Variants in KCNH1 observed in about 807,000 individuals in gnomAD.
The protein encoded by KCNH1 is potassium voltage-gated channel subfamily H member 1.
In KCNH1, 27 loss-of-function variants were observed where a neutral mutation model predicts 69.2. The ratio of observed to expected loss-of-function variants is 0.39; its 90% confidence interval spans 0.29 to 0.54. KCNH1 has a LOEUF of 0.54. KCNH1 is among the 20% of genes least tolerant of loss of function. The probability of loss-of-function intolerance (pLI) is 0.68; values close to 1 mark genes in which losing one functional copy is unlikely to be tolerated. For missense variants in KCNH1, 798 were observed against 1,261.6 expected, an observed-to-expected ratio of 0.63 and a Z score of 5.57; for synonymous variants, 456 against 487.7, an observed-to-expected ratio of 0.93 and a Z score of 0.86.
chr1:210,717,692 G>T (rs904674768), intron 10 of KCNH1, among the ~76,000 whole-genome samples: 2 of 152,198 alleles, frequency 1.3e-5, no homozygotes, highest in African/African-American at 4.8e-5. Context: ...TGAGGCAGTG[G>T]ATGTACTCAG....
intron 1 of KCNH1, among the ~76,000 whole-genome samples, chr1:211,122,081 T>C (rs1181306360): frequency 6.6e-6 from 1 of 151,582 alleles, no homozygotes; most frequent in East Asian, 1.9e-4. Context: ...GGGCTTGCAG[T>C]GAGCCAAGAT....
At chr1:210,845,933 T>C (rs1685532884) in intron 7 of KCNH1, among the ~76,000 whole-genome samples, 4 of 152,028 alleles carry the variant, frequency 2.6e-5, no homozygotes, top group Non-Finnish European at 4.4e-5. Flanking sequence ...TATACACCAA[T>C]AACAGACAAA....
intron 7 of KCNH1, chr1:210,861,799 A>G: frequency 1.3e-6 from 1 of 766,688 alleles, no homozygotes; most frequent in South Asian, 1.4e-5. Context: ...CCACTCCTCT[A>G]GTTTTTTATA....
chr1:210,700,700 G>GA (rs1382638085), intron 10 of KCNH1, among the ~76,000 whole-genome samples: 7 of 152,128 alleles, frequency 4.6e-5, no homozygotes, highest in Admixed American at 2.0e-4. Flanking sequence ...ATTCTGCCAC[G>GA]ATAGCACAAA....
At chr1:210,982,239 AT>A (rs1277144465) in intron 6 of KCNH1, among the ~76,000 whole-genome samples, 6 of 151,704 alleles carry the variant, frequency 4.0e-5, no homozygotes, top group African/African-American at 1.5e-4. Context: ...TATTATTATT[AT>A]TATTATTATA....
intron 5 of KCNH1, among the ~76,000 whole-genome samples, chr1:211,048,591 G>A (rs967274301): frequency 1.3e-5 from 2 of 152,140 alleles, no homozygotes; most frequent in Non-Finnish European, 2.9e-5. Context: ...AAGTGACTCA[G>A]GAATGGAAAA....
In KCNH1 at chr1:211,064,529, C is replaced by A. The variant is rs560494297; in HGVS notation, c.558+18251G>T. ...TGAGCCAAGATTGCGCCACTGCACT[C>A]CAGCCTGGGCAACAAAGCAAGACTC... is the stretch of plus-strand genomic sequence containing the variant. On this transcript the variant is annotated intron_variant, in intron 5 of 10. Transcript: ENST00000271751. Among the ~76,000 whole-genome samples, 4 of 152,114 alleles carry A rather than the reference C, an allele frequency of 2.6e-5. No homozygotes were observed. The East Asian group carries it at 7.7e-4, about 29-fold the overall frequency.
chr1:210,856,898 T>TATATATATATATATATATATAA lies in KCNH1; in HGVS notation c.1463-52733_1463-52732insTTATATATATATATATATATAT, dbSNP rs1410330503. 3.3e-3 allele frequency among the ~76,000 whole-genome samples: 397 copies of TATATATATATATATATATATAA among 121,482 alleles called. 4 individuals carry two copies. Among genetic ancestry groups the TATATATATATATATATATATAA allele is most frequent in the South Asian group, 0.014 (45 of 3,324 alleles). The allele number at this position is 121,482 out of a possible 152,430, so 79.7% of individuals were successfully genotyped here. A position where few individuals can be genotyped will look rare whatever the true frequency, so the allele number is the denominator to read the frequency against. On this transcript the variant is annotated intron_variant, in intron 7 of 10. Coordinates refer to ENST00000271751, the MANE Select transcript of KCNH1 (RefSeq NM_172362.3). ...CCCACTATATATATATATATATATA[T>TATATATATATATATATATATAA]AAAATACTCATGCCTGGTGTTTACT... is the stretch of plus-strand genomic sequence containing the variant.
At chr1:210,713,353 CAA>C (rs1682125152) in intron 10 of KCNH1, among the ~76,000 whole-genome samples, 1 of 152,150 alleles carries the variant, frequency 6.6e-6, no homozygotes, top group South Asian at 2.1e-4. Context: ...CCTTAATTCC[CAA>C]AGAGACCAAG....
intron 5 of KCNH1, among the ~76,000 whole-genome samples, chr1:211,033,500 A>G (rs1459806406): frequency 6.6e-6 from 1 of 152,210 alleles, no homozygotes; most frequent in Non-Finnish European, 1.5e-5. Context: ...AATAGCAAAG[A>G]CTTGGAACCA....
intron 3 of KCNH1, among the ~76,000 whole-genome samples, chr1:211,100,277 A>T (rs1691234173): frequency 6.6e-6 from 1 of 152,060 alleles, no homozygotes; most frequent in Non-Finnish European, 1.5e-5. Context: ...CAGATTCTAA[A>T]CTATTTAACT....
At chr1:211,025,586 G>A (rs1689668827) in intron 5 of KCNH1, among the ~76,000 whole-genome samples, 1 of 152,136 alleles carries the variant, frequency 6.6e-6, no homozygotes, top group Non-Finnish European at 1.5e-5. Context: ...CTTGCATAAT[G>A]TGAAAGAGTC....
At chr1:211,029,735 A>G (rs1689748746) in intron 5 of KCNH1, among the ~76,000 whole-genome samples, 2 of 152,204 alleles carry the variant, frequency 1.3e-5, no homozygotes, top group Non-Finnish European at 2.9e-5. Flanking sequence ...TCCAGATCAG[A>G]GAGGATGAAA....
At chr1:211,035,784 C>G (rs1689886302) in intron 5 of KCNH1, among the ~76,000 whole-genome samples, 1 of 152,142 alleles carries the variant, frequency 6.6e-6, no homozygotes, top group South Asian at 2.1e-4. Context: ...GAGAGAAATT[C>G]CCTGACCAAA....
chr1:210,728,339 A>T (rs1574215603), intron 10 of KCNH1, among the ~76,000 whole-genome samples: 2 of 152,318 alleles, frequency 1.3e-5, no homozygotes, highest in Admixed American at 6.5e-5. Flanking sequence ...CACATAAGGA[A>T]TTCTTAATGA....
chr1:210,710,886 CT>C (rs1183716397), intron 10 of KCNH1, among the ~76,000 whole-genome samples: 1 of 152,218 alleles, frequency 6.6e-6, no homozygotes, highest in African/African-American at 2.4e-5. Flanking sequence ...GCCCACTGCA[CT>C]CTACAGCAAA....
chr1:211,048,458 T>C (rs1222916592), intron 5 of KCNH1, among the ~76,000 whole-genome samples: 1 of 151,958 alleles, frequency 6.6e-6, no homozygotes, highest in Admixed American at 6.6e-5. Flanking sequence ...AACAAATGGA[T>C]AAAGAAAATG....
At chr1:211,015,235 C>T (rs568792857) in intron 6 of KCNH1, among the ~76,000 whole-genome samples, 1 of 152,324 alleles carries the variant, frequency 6.6e-6, no homozygotes, top group East Asian at 1.9e-4. Context: ...GTGAGCCACA[C>T]ACATCAGAAA....
intron 10 of KCNH1, among the ~76,000 whole-genome samples, chr1:210,768,789 C>G (rs906488387): frequency 4.6e-5 from 7 of 152,096 alleles, no homozygotes; most frequent in African/African-American, 1.7e-4. Context: ...CATAATGAAG[C>G]ATGGAGCACT....
Sources: allele counts gnomAD v4.1 joint callset (sites outside exome capture counted in the v4.1 genomes callset), GRCh38; gene constraint gnomAD v4.1.1; transcripts MANE v1.5; gene names NCBI Gene and HGNC (gene_info 2026-07-23, HGNC 2026-07-21).